TBCK: variants seen among roughly 807,000 people sequenced by gnomAD.
TBCK encodes the protein TBC domain-containing protein kinase-like protein.
Under a neutral mutation model 113.4 loss-of-function variants are expected in TBCK, and 99 were observed. The ratio of observed to expected loss-of-function variants is 0.87; its 90% CI spans 0.74 to 1.03. The LOEUF (loss-of-function observed/expected upper bound fraction) is 1.03. Among genes scored for constraint, TBCK ranks in the 50% least tolerant of loss-of-function variants. The pLI, the probability that TBCK is intolerant of heterozygous loss-of-function variation, is 0.00. For synonymous variants in TBCK, 369 were observed against 370.8 expected, an observed-to-expected ratio of 1.00 and a Z score of 0.05; for missense variants, 1,045 against 1,061.3, an observed-to-expected ratio of 0.98 and a Z score of 0.21.
intron 25 of TBCK, among the ~76,000 whole-genome samples, chr4:106,070,187 A>G (rs1363271864): frequency 1.3e-5 from 2 of 152,036 alleles, no homozygotes; most frequent in African/African-American, 4.8e-5. Context: ...GTTGAATAGG[A>G]GTGGTGAGAG....
At chr4:106,196,038 A>G (rs1205530374) in intron 20 of TBCK, among the ~76,000 whole-genome samples, 1 of 152,092 alleles carries the variant, frequency 6.6e-6, no homozygotes, top group Admixed American at 6.6e-5. Flanking sequence ...GGTATTATGA[A>G]GCATGTGCTT....
intron 3 of TBCK, among the ~76,000 whole-genome samples, chr4:106,267,323 T>C (rs1003564989): frequency 7.2e-5 from 11 of 151,896 alleles, no homozygotes; most frequent in African/African-American, 2.4e-4. Flanking sequence ...AGATTACATT[T>C]GAGGACATTT....
At position 106,195,250 on chromosome 4, in the gene TBCK, A is replaced by G. The variant is rs1024124447; in HGVS notation, c.1861-496T>C. On this transcript the variant is annotated intron_variant, in intron 20 of 25. Transcript: ENST00000394708. The stretch of plus-strand genomic sequence containing the variant: ...TTATTACAAATACTCTTATATAATG[A>G]TACTATCCACATTACAAATGTAGAT... 5.9e-5 allele frequency among the ~76,000 whole-genome samples: 9 copies of G among 152,206 alleles called. 1 individual carries two copies. The highest frequency in any genetic ancestry group is 5.2e-4 in the Admixed American group (8 of 15,262).
chr4:106,160,414 T>C (rs1749635315), intron 23 of TBCK, among the ~76,000 whole-genome samples: 1 of 151,040 alleles, frequency 6.6e-6, no homozygotes, highest in African/African-American at 2.4e-5. Flanking sequence ...CTCCTAAAAC[T>C]CAACAAAAAA....
intron 1 of TBCK, among the ~76,000 whole-genome samples, chr4:106,312,872 T>C (rs751033702): frequency 3.9e-5 from 6 of 152,176 alleles, no homozygotes; most frequent in Non-Finnish European, 5.9e-5. Flanking sequence ...AGAACTATAG[T>C]TCTAAACTAT....
rs185612811 is a variant in TBCK, at chr4:106,181,081, C to T, written c.2060-9811G>A. Among the ~76,000 whole-genome samples the T allele has an allele frequency of 2.1e-3, 327 of 152,238 alleles. 2 individuals are homozygous for T. Among genetic ancestry groups the T allele is most frequent in the African/African-American group, 6.9e-3 (285 of 41,562 alleles). ...ACCATTCTAACTGGTGTGAGATGGTCTCATTGTGGTTTTGATTTGCATTTC... is the reference window on the plus strand; with the variant it reads ...ACCATTCTAACTGGTGTGAGATGGTTTCATTGTGGTTTTGATTTGCATTTC... On this transcript the variant is annotated intron_variant, in intron 22 of 25. Coordinates refer to ENST00000394708, the MANE Select transcript of TBCK (RefSeq NM_001163435.3).
intron 25 of TBCK, among the ~76,000 whole-genome samples, chr4:106,077,690 C>T (rs987363061): frequency 6.6e-6 from 1 of 152,178 alleles, no homozygotes; most frequent in Admixed American, 6.6e-5. Context: ...TGAGGAAATA[C>T]AGACAAACAC....
intron 9 of TBCK, 21 bp from the exon 10 acceptor site, chr4:106,247,308 A>T: frequency 6.2e-7 from 1 of 1,606,798 alleles, no homozygotes; most frequent in Non-Finnish European, 8.5e-7. Flanking sequence ...TTTAAAATAC[A>T]GAGCATGAAT....
chr4:106,254,703 C>A (rs932436901), intron 5 of TBCK, among the ~76,000 whole-genome samples: 2 of 151,976 alleles, frequency 1.3e-5, no homozygotes, highest in African/African-American at 4.8e-5. Flanking sequence ...TATTTTCCTA[C>A]ATAAATAAGC....
chr4:106,077,509 G>GT (rs1254206674), intron 25 of TBCK, among the ~76,000 whole-genome samples: 3 of 152,140 alleles, frequency 2.0e-5, no homozygotes, highest in African/African-American at 7.2e-5. Flanking sequence ...AACAGCAGGG[G>GT]TTGCTATTCT....
At chr4:106,294,571 T>A (rs1287692062) in intron 3 of TBCK, among the ~76,000 whole-genome samples, 1 of 151,572 alleles carries the variant, frequency 6.6e-6, no homozygotes, top group Non-Finnish European at 1.5e-5. Context: ...AAGCTCCGCC[T>A]CCTGGGTTCA....
chr4:106,268,110 C>T (rs1763151768), intron 3 of TBCK, among the ~76,000 whole-genome samples: 1 of 152,008 alleles, frequency 6.6e-6, no homozygotes, highest in Admixed American at 6.6e-5. Flanking sequence ...CTTGGGGTCC[C>T]TGTTCTCTAA....
intron 1 of TBCK, among the ~76,000 whole-genome samples, chr4:106,312,193 TA>T (rs147113690): frequency 0.077 from 11,653 of 152,228 alleles, 506 homozygotes; most frequent in Middle Eastern, 0.18. Context: ...ATTATGTATA[TA>T]TATGACCTTT....
At chr4:106,307,433 A>C (rs1767653231) in intron 2 of TBCK, among the ~76,000 whole-genome samples, 1 of 152,012 alleles carries the variant, frequency 6.6e-6, no homozygotes, top group Non-Finnish European at 1.5e-5. Context: ...TTATCATTAC[A>C]AAAAAAATTT....
intron 23 of TBCK, among the ~76,000 whole-genome samples, chr4:106,156,864 G>A (rs1210168566): frequency 6.6e-6 from 1 of 152,076 alleles, no homozygotes; most frequent in Non-Finnish European, 1.5e-5. Flanking sequence ...CTTCCCTGTG[G>A]CTGAGTTGGT....
Position 106,247,223 on chromosome 4 carries a change from A to C in TBCK, c.847T>G (p.Phe283Val). 1 of 1,613,344 alleles carries C rather than the reference A, an allele frequency of 6.2e-7. No individual in the cohort carries two copies. The highest frequency in any genetic ancestry group is 8.5e-7 in the Non-Finnish European group (1 of 1,179,520). The change falls in exon 10 of 26, where the codon TTT becomes GTT. Residue 283 changes from phenylalanine (F) to valine (V), a missense_variant. Phe to Val is a conservative substitution (Grantham distance 50, BLOSUM62 -1). Coordinates refer to ENST00000394708, the MANE Select transcript of TBCK (RefSeq NM_001163435.3). ...FSEVSPLYTP[F>V]TKPASLFSSS... is the part of the protein sequence containing the mutation. ...GAAAACAGACTGGCAGGTTTGGTAA[A>C]GGGGGTATATAAAGGTGATACCTCA...
chr4:106,111,008 T>C (rs1284619639), intron 24 of TBCK, among the ~76,000 whole-genome samples: 20 of 150,516 alleles, frequency 1.3e-4, no homozygotes, highest in South Asian at 2.1e-4. Context: ...AAAAAAAGCA[T>C]TAAAGAAAAC....
At chr4:106,307,702 A>G (rs1485563594) in intron 2 of TBCK, among the ~76,000 whole-genome samples, 2 of 152,286 alleles carry the variant, frequency 1.3e-5, no homozygotes, top group African/African-American at 2.4e-5. Flanking sequence ...TAGAAAAATT[A>G]AATACATTTC....
chr4:106,127,249 G>A (rs1460932643), intron 23 of TBCK, among the ~76,000 whole-genome samples: 1 of 148,324 alleles, frequency 6.7e-6, no homozygotes, highest in Non-Finnish European at 1.5e-5. Context: ...GAATATAAAG[G>A]AGACCAAAAA....
Sources: allele counts gnomAD v4.1 joint callset (sites outside exome capture counted in the v4.1 genomes callset), GRCh38; gene constraint gnomAD v4.1.1; transcripts MANE v1.5; gene names NCBI Gene and HGNC (gene_info 2026-07-23, HGNC 2026-07-21).